Variants in SLC4A10 observed in about 807,000 individuals in gnomAD.
The protein encoded by SLC4A10 is sodium-driven chloride bicarbonate exchanger.
A neutral mutation model predicts 137.7 loss-of-function variants in SLC4A10; 42 were observed. The ratio of observed to expected loss-of-function variants is 0.30; its 90% CI spans 0.24 to 0.39. The LOEUF (loss-of-function observed/expected upper bound fraction) is 0.39, where lower values mean the gene tolerates loss of function less well. Ranked by LOEUF, SLC4A10 falls within the 10% of genes least tolerant of loss-of-function variation. The pLI is 1.00. For synonymous variants in SLC4A10, 474 were observed against 464.1 expected (o/e 1.02, Z -0.27); for missense variants, 925 against 1,355.0 (o/e 0.68, Z 4.98).
intron 21 of SLC4A10, among the ~76,000 whole-genome samples, chr2:161,963,501 T>C (rs893918594): frequency 6.6e-6 from 1 of 152,150 alleles, no homozygotes; most frequent in African/African-American, 2.4e-5. Context: ...TTAGGTTAAA[T>C]TTTTATGGTT....
intron 4 of SLC4A10, among the ~76,000 whole-genome samples, chr2:161,844,224 A>C (rs2059359631): frequency 6.6e-6 from 1 of 152,128 alleles, no homozygotes; most frequent in Non-Finnish European, 1.5e-5. Flanking sequence ...GGCAGAATAG[A>C]AAAGGATTAT....
intron 1 of SLC4A10, among the ~76,000 whole-genome samples, chr2:161,721,913 G>T (rs749373291): frequency 6.6e-6 from 1 of 151,722 alleles, no homozygotes; most frequent in African/African-American, 2.4e-5. Context: ...TAATCTTGTC[G>T]CCTGTCTTAC....
At chr2:161,664,263 G>A (rs1007149402) in intron 1 of SLC4A10, among the ~76,000 whole-genome samples, 4 of 151,938 alleles carry the variant, frequency 2.6e-5, no homozygotes, top group African/African-American at 9.7e-5. Context: ...AAACAAAATA[G>A]TTGACGCTTT....
chr2:161,927,262 T>G (rs1373497989), intron 15 of SLC4A10, among the ~76,000 whole-genome samples: 2 of 152,226 alleles, frequency 1.3e-5, no homozygotes, highest in Non-Finnish European at 2.9e-5. Flanking sequence ...TTGTTTCTTT[T>G]TATTCTTTTT....
chr2:161,973,775 T>G (rs1276094975), intron 23 of SLC4A10, among the ~76,000 whole-genome samples: 2 of 152,074 alleles, frequency 1.3e-5, no homozygotes, highest in Non-Finnish European at 2.9e-5. Flanking sequence ...ACCTATGGAG[T>G]CAGAACTTCT....
Position 161,725,654 on chromosome 2 carries a change from G to A in SLC4A10, c.49-45319G>A, listed in dbSNP as rs148527602. Among the ~76,000 whole-genome samples the A allele has an allele frequency of 2.9e-3, 442 of 152,118 alleles. 1 individual carries two copies. Among genetic ancestry groups the A allele is most frequent in the African/African-American group, 8.1e-3 (335 of 41,490 alleles). On this transcript the variant is annotated intron_variant, in intron 1 of 26. Transcript: ENST00000446997. ...TACTAGATTTATGCTCTTCTCACCC[G>A]GGTGGTGTAATCATTTGAGATGTCT...
intron 1 of SLC4A10, among the ~76,000 whole-genome samples, chr2:161,738,813 G>A (rs2047597261): frequency 6.6e-6 from 1 of 152,096 alleles, no homozygotes; most frequent in African/African-American, 2.4e-5. Context: ...TGTCTAGACT[G>A]CAAACAGCAG....
chr2:161,822,992 T>C (rs1005051954), intron 3 of SLC4A10, among the ~76,000 whole-genome samples: 7 of 152,036 alleles, frequency 4.6e-5, no homozygotes, highest in African/African-American at 1.7e-4. Flanking sequence ...TATGTGTATA[T>C]ATATATACTT....
chr2:161,975,488 T>G (rs1176899749), intron 24 of SLC4A10, among the ~76,000 whole-genome samples: 2 of 152,212 alleles, frequency 1.3e-5, no homozygotes, highest in Non-Finnish European at 2.9e-5. Context: ...AGACTCTTCC[T>G]CACATAATAT....
intron 21 of SLC4A10, 136 bp from the exon 22 acceptor site, chr2:161,963,999 T>C: frequency 1.6e-6 from 1 of 631,410 alleles, no homozygotes; most frequent in African/African-American, 1.8e-5. Flanking sequence ...CCCATTGTCT[T>C]GATGCCGAGA....
Position 161,904,156 on chromosome 2 carries a change from G to A in SLC4A10, c.1595G>A (p.Gly532Glu). Residue 532 changes from glycine to glutamate, a missense_variant, in exon 13 of 27, where the codon GGA (glycine) becomes GAA (glutamate). Physicochemically the swap from Gly to Glu is moderately conservative, Grantham distance 98. Coordinates refer to ENST00000446997, the MANE Select transcript of SLC4A10 (RefSeq NM_001178015.2). ...GTCATCACGTTTGGAGGACTGCTGG[G>A]AGAAGCAACTGAAGGGCGTATAGTA... ...SPVITFGGLL[G>E]EATEGRISAI... The A allele has an allele frequency of 6.2e-7, 1 of 1,612,030 alleles. No homozygotes were observed. Among genetic ancestry groups the A allele is most frequent in the Non-Finnish European group, 8.5e-7 (1 of 1,179,002 alleles).
chr2:161,879,387 G>T, intron 9 of SLC4A10, 99 bp downstream of exon 9: 1 of 1,267,342 alleles, frequency 7.9e-7, no homozygotes, highest in Middle Eastern at 2.0e-4. Context: ...GTTTTGACTA[G>T]AAACTAATGT....
intron 3 of SLC4A10, among the ~76,000 whole-genome samples, chr2:161,831,238 A>T (rs1215262212): frequency 6.6e-6 from 1 of 152,156 alleles, no homozygotes; most frequent in African/African-American, 2.4e-5. Flanking sequence ...TGCCCTCTGA[A>T]ATACTCTCAA....
intron 1 of SLC4A10, among the ~76,000 whole-genome samples, chr2:161,679,500 A>C (rs1489412685): frequency 6.6e-6 from 1 of 152,120 alleles, no homozygotes; most frequent in Non-Finnish European, 1.5e-5. Flanking sequence ...AAATTACATG[A>C]TGACATGTAA....
chr2:161,763,454 A>T (rs916232936), intron 1 of SLC4A10, among the ~76,000 whole-genome samples: 1 of 152,288 alleles, frequency 6.6e-6, no homozygotes, highest in East Asian at 1.9e-4. Context: ...AAAAATACGT[A>T]TAAAGATGTG....
chr2:161,947,696 A>G lies in SLC4A10; in HGVS notation c.2234A>G (p.Gln745Arg). ...GTTACTCTGTCAGCCACCCTGAAGC[A>G]GTTCAAGACTAGCAGATATTTTCCA... The part of the protein sequence containing the change: ...STVTLSATLK[Q>R]FKTSRYFPTK... Residue 745 changes from glutamine (Q) to arginine (R), a missense_variant, in exon 17 of 27, where the codon CAG becomes CGG. Gln to Arg is a conservative substitution (Grantham distance 43, BLOSUM62 1). Transcript: ENST00000446997. The G allele has an allele frequency of 3.1e-6, 5 of 1,612,962 alleles. No individual in the cohort carries two copies. In the South Asian group the frequency reaches 4.4e-5, roughly 14 times the overall value.
At chr2:161,686,846 G>T (rs1340621848) in intron 1 of SLC4A10, among the ~76,000 whole-genome samples, 1 of 151,560 alleles carries the variant, frequency 6.6e-6, no homozygotes, top group Non-Finnish European at 1.5e-5. Flanking sequence ...GCTGCTGGTT[G>T]CCCATTTTTT....
chr2:161,738,351 G>T (rs1375885746), intron 1 of SLC4A10, among the ~76,000 whole-genome samples: 2 of 152,184 alleles, frequency 1.3e-5, no homozygotes, highest in Admixed American at 1.3e-4. Flanking sequence ...AATTGGGCAG[G>T]CCTCTGAACC....
intron 1 of SLC4A10, among the ~76,000 whole-genome samples, chr2:161,690,115 C>T (rs1296382594): frequency 6.6e-6 from 1 of 151,946 alleles, no homozygotes; most frequent in East Asian, 1.9e-4. Flanking sequence ...GAAAAACAAC[C>T]CATTAAAAAG....
Sources: allele counts gnomAD v4.1 joint callset (sites outside exome capture counted in the v4.1 genomes callset), GRCh38; gene constraint gnomAD v4.1.1; transcripts MANE v1.5; gene names NCBI Gene and HGNC (gene_info 2026-07-23, HGNC 2026-07-21).